ABRACL: variants seen among roughly 807,000 people sequenced by gnomAD.
ABRACL encodes costars family protein ABRACL.
ABRACL carries 4 observed loss-of-function variants against 7.0 expected under a neutral mutation model. The observed-to-expected ratio is 0.57, with a 90% confidence interval of 0.28 to 1.30. ABRACL has a LOEUF of 1.30. ABRACL is among the 50% of genes most tolerant of loss of function. The pLI is 0.10. For synonymous variants in ABRACL, 30 were observed against 36.0 expected, an observed-to-expected ratio of 0.83 and a Z score of 0.60; for missense variants, 104 against 97.3, an observed-to-expected ratio of 1.07 and a Z score of -0.29.
Position 139,030,518 on chromosome 6 carries a change from AT to A in ABRACL, c.-7+1648del, listed in dbSNP as rs1381745657. Among the ~76,000 whole-genome samples, 6 of 152,222 alleles carry A rather than the reference AT, an allele frequency of 3.9e-5. No homozygotes were observed. The South Asian group carries it at 1.0e-3, about 26-fold the overall frequency. ...TTTAAAGGATTGTGTCACAATAGGT[AT>A]TTTTCCCCCTTTGTCCCTCTCCTTC... is the stretch of plus-strand genomic sequence containing the variant. On this transcript the variant is annotated intron_variant, in intron 1 of 2. Coordinates refer to ENST00000367660, the MANE Select transcript of ABRACL (RefSeq NM_021243.3).
Position 139,041,677 on chromosome 6 carries a change from G to A in ABRACL, c.62-1042G>A, listed in dbSNP as rs956448812. Among the ~76,000 whole-genome samples, 4 of 151,718 alleles carry A rather than the reference G, an allele frequency of 2.6e-5. No homozygotes were observed. The South Asian group carries it at 6.3e-4, about 24-fold the overall frequency. On this transcript the variant is annotated intron_variant, in intron 2 of 2. Transcript: ENST00000367660. ...CACTCGGCCGGGATGTATTTTCTTT[G>A]CTTCTCATTTGGCATCCAATCACAT...
At chr6:139,037,531 G>T (rs989672734) in intron 2 of ABRACL, among the ~76,000 whole-genome samples, 3 of 152,136 alleles carry the variant, frequency 2.0e-5, no homozygotes, top group African/African-American at 7.2e-5. Flanking sequence ...AAAGTGTCGG[G>T]ATTACAGGCG....
At chr6:139,033,336 A>T (rs1378466448) in intron 1 of ABRACL, among the ~76,000 whole-genome samples, 1 of 152,224 alleles carries the variant, frequency 6.6e-6, no homozygotes, top group African/African-American at 2.4e-5. Context: ...CAGATGAATG[A>T]ACTTCACCGT....
intron 2 of ABRACL, among the ~76,000 whole-genome samples, chr6:139,039,092 C>A (rs962058499): frequency 6.6e-6 from 1 of 151,890 alleles, no homozygotes; most frequent in African/African-American, 2.4e-5. Context: ...GGCCTCGTGG[C>A]GGGTGCCTGT....
intron 2 of ABRACL, among the ~76,000 whole-genome samples, chr6:139,041,666 G>A (rs764478167): frequency 6.6e-6 from 1 of 151,596 alleles, no homozygotes; most frequent in Non-Finnish European, 1.5e-5. Flanking sequence ...CGGCCGGGAT[G>A]TATTTTCTTT....
intron 2 of ABRACL, among the ~76,000 whole-genome samples, chr6:139,038,156 A>G (rs180837336): frequency 1.3e-5 from 2 of 152,180 alleles, no homozygotes; most frequent in East Asian, 3.8e-4. Flanking sequence ...TTCTTTATCC[A>G]TATCAGCCTA....
chr6:139,042,054 A>G (rs547644538), intron 2 of ABRACL, among the ~76,000 whole-genome samples: 1 of 152,278 alleles, frequency 6.6e-6, no homozygotes, highest in African/African-American at 2.4e-5. Context: ...GGTCAAAGGA[A>G]TCGCCCAAGG....
chr6:139,033,255 C>T (rs1206919603), intron 1 of ABRACL, among the ~76,000 whole-genome samples: 1 of 152,216 alleles, frequency 6.6e-6, no homozygotes, highest in Non-Finnish European at 1.5e-5. Context: ...GTGCGGGACC[C>T]AGCTCGTGGA....
At chr6:139,029,508 C>T (rs970056401) in intron 1 of ABRACL, among the ~76,000 whole-genome samples, 5 of 152,010 alleles carry the variant, frequency 3.3e-5, no homozygotes, top group African/African-American at 1.2e-4. Flanking sequence ...CAAAGACTTC[C>T]GGGACGCGGC....
In ABRACL at chr6:139,038,772, A is replaced by G. The variant is rs76212984; in HGVS notation, c.62-3947A>G. 9.6e-3 allele frequency among the ~76,000 whole-genome samples: 1,460 copies of G among 152,314 alleles called. 21 individuals are homozygous for G. Among genetic ancestry groups the G allele is most frequent in the African/African-American group, 0.033 (1,392 of 41,556 alleles). On this transcript the variant is annotated intron_variant, in intron 2 of 2. Transcript: ENST00000367660. ...AAGTACCTAGAGGGAAGTGATTAACATGGGCTGTAAAGTCGGACTCTCTGG... is the reference window on the plus strand; with the variant it reads ...AAGTACCTAGAGGGAAGTGATTAACGTGGGCTGTAAAGTCGGACTCTCTGG...
At chr6:139,036,861 G>A (rs1786165743) in intron 2 of ABRACL, among the ~76,000 whole-genome samples, 1 of 152,102 alleles carries the variant, frequency 6.6e-6, no homozygotes, top group Non-Finnish European at 1.5e-5. Context: ...GCATGCAACT[G>A]TGGTCCCAGC....
At chr6:139,038,496 A>G (rs1055510914) in intron 2 of ABRACL, among the ~76,000 whole-genome samples, 16 of 152,222 alleles carry the variant, frequency 1.1e-4, no homozygotes, top group African/African-American at 3.9e-4. Context: ...CATATGATGT[A>G]TGAGCTGAGG....
intron 2 of ABRACL, among the ~76,000 whole-genome samples, chr6:139,039,643 A>C (rs1786215620): frequency 6.6e-6 from 1 of 152,184 alleles, no homozygotes; most frequent in Non-Finnish European, 1.5e-5. Context: ...ACAAAGGCAG[A>C]ATCTGTCATA....
At position 139,034,154 on chromosome 6, in the gene ABRACL, G is replaced by T; in HGVS notation, c.-6-1G>T. The T allele has an allele frequency of 6.2e-7, 1 of 1,614,026 alleles. No homozygotes were observed. The highest frequency in any genetic ancestry group is 8.5e-7 in the Non-Finnish European group (1 of 1,180,004). On this transcript the variant is annotated splice_acceptor_variant, in intron 1 of 2. Coordinates refer to ENST00000367660, the MANE Select transcript of ABRACL (RefSeq NM_021243.3). LOFTEE classifies it low-confidence loss of function (5UTR_SPLICE). The stretch of plus-strand genomic sequence containing the variant: ...TTAGACTTCCTTTTTTTCTCTCCCA[G>T]GCAGCAATGAATGTGGATCACGAGG...
At chr6:139,033,524 A>G (rs1457276595) in intron 1 of ABRACL, among the ~76,000 whole-genome samples, 2 of 152,178 alleles carry the variant, frequency 1.3e-5, no homozygotes, top group African/African-American at 4.8e-5. Flanking sequence ...TGGGGTGCCC[A>G]GCCCCCAGCT....
intron 2 of ABRACL, among the ~76,000 whole-genome samples, chr6:139,037,039 T>C (rs2114308599): frequency 6.9e-6 from 1 of 144,874 alleles, no homozygotes; most frequent in Admixed American, 6.8e-5. Context: ...AAAAAAAAAA[T>C]GGTATGCTGA....
intron 2 of ABRACL, among the ~76,000 whole-genome samples, chr6:139,041,451 C>CTCTCTCTATATATATA (rs140091253): frequency 8.2e-5 from 9 of 110,056 alleles, no homozygotes; most frequent in Non-Finnish European, 1.6e-4. Flanking sequence ...CTCTCTCTCT[C>CTCTCTCTATATATATA]TATATATATA....
chr6:139,034,330 G>A (rs74739787), intron 2 of ABRACL, 109 bp downstream of exon 2: 1 of 1,598,836 alleles, frequency 6.3e-7, no homozygotes, highest in Non-Finnish European at 8.5e-7. Context: ...TCAGGACACA[G>A]GTCTGGGAGC....
chr6:139,039,706 A>G (rs931699126), intron 2 of ABRACL, among the ~76,000 whole-genome samples: 2 of 152,204 alleles, frequency 1.3e-5, no homozygotes, highest in Non-Finnish European at 2.9e-5. Flanking sequence ...AGGTACATGC[A>G]GTGATATGGC....
Sources: allele counts gnomAD v4.1 joint callset (sites outside exome capture counted in the v4.1 genomes callset), GRCh38; gene constraint gnomAD v4.1.1; transcripts MANE v1.5; gene names NCBI Gene and HGNC (gene_info 2026-07-23, HGNC 2026-07-21).